GALNTL6: variants seen among roughly 807,000 people sequenced by gnomAD.
The protein encoded by GALNTL6 is polypeptide N-acetylgalactosaminyltransferase-like 6.
In GALNTL6, 46 loss-of-function variants were observed where a neutral mutation model predicts 73.7. The observed-to-expected ratio is 0.62, with a 90% confidence interval of 0.49 to 0.80. The LOEUF (loss-of-function observed/expected upper bound fraction) is 0.80, where lower values mean the gene tolerates loss of function less well. Ranked by LOEUF, GALNTL6 falls within the 30% of genes least tolerant of loss-of-function variation. The pLI is 0.00. For missense variants in GALNTL6, 604 were observed against 755.0 expected, an observed-to-expected ratio of 0.80 and a Z score of 2.34; for synonymous variants, 259 against 263.7, an observed-to-expected ratio of 0.98 and a Z score of 0.17.
chr4:173,009,335 G>A (rs762690494), intron 11 of GALNTL6, 41 bp downstream of exon 11: 50 of 1,126,012 alleles, frequency 4.4e-5, no homozygotes, highest in Non-Finnish European at 6.4e-5. Context: ...GGAACCAGTC[G>A]GGGGCTGATG....
At chr4:172,384,427 A>T (rs917560569) in intron 5 of GALNTL6, among the ~76,000 whole-genome samples, 21 of 151,800 alleles carry the variant, frequency 1.4e-4, no homozygotes, top group African/African-American at 3.6e-4. Context: ...ATTTTTTTTT[A>T]AATTTCTCTA....
chr4:172,578,528 G>A lies in GALNTL6; in HGVS notation c.553+229839G>A, dbSNP rs548302530. On this transcript the variant is annotated intron_variant, in intron 5 of 12. Transcript: ENST00000506823. ...AAGAAGAGGAATGTCTCCAGAAATT[G>A]TCTTAAATTCATCCCCTCAGCACTT... Among the ~76,000 whole-genome samples the A allele has an allele frequency of 1.1e-4, 16 of 152,346 alleles. 1 individual carries two copies. In the South Asian group the frequency reaches 3.3e-3, roughly 32 times the overall value.
chr4:172,771,156 A>G (rs1738739783), intron 5 of GALNTL6, among the ~76,000 whole-genome samples: 1 of 152,228 alleles, frequency 6.6e-6, no homozygotes. Context: ...ACTGTGCACA[A>G]TTTATTTCCA....
At chr4:172,422,630 C>CT (rs1426806492) in intron 5 of GALNTL6, among the ~76,000 whole-genome samples, 2 of 151,892 alleles carry the variant, frequency 1.3e-5, no homozygotes, top group African/African-American at 4.8e-5. Flanking sequence ...GACTCCAAGA[C>CT]TTTTATGTCT....
intron 5 of GALNTL6, among the ~76,000 whole-genome samples, chr4:172,806,704 A>T (rs1259669456): frequency 6.6e-6 from 1 of 152,230 alleles, no homozygotes; most frequent in Non-Finnish European, 1.5e-5. Flanking sequence ...GTGACATTTG[A>T]CATATGAATA....
chr4:171,882,114 T>C (rs928421476), intron 2 of GALNTL6, among the ~76,000 whole-genome samples: 1 of 152,208 alleles, frequency 6.6e-6, no homozygotes, highest in African/African-American at 2.4e-5. Flanking sequence ...TTTGTCTCTT[T>C]TCTGGAAATA....
intron 2 of GALNTL6, among the ~76,000 whole-genome samples, chr4:171,941,564 C>T (rs897376156): frequency 2.6e-5 from 4 of 152,174 alleles, no homozygotes; most frequent in Non-Finnish European, 5.9e-5. Flanking sequence ...GTTGTGTCAT[C>T]ACCACAGTTA....
At chr4:172,854,525 A>G (rs1744022708) in intron 7 of GALNTL6, among the ~76,000 whole-genome samples, 1 of 152,130 alleles carries the variant, frequency 6.6e-6, no homozygotes, top group African/African-American at 2.4e-5. Context: ...ACATTGCTGT[A>G]TGCTCTCCTG....
At chr4:172,764,208 T>G (rs1039263196) in intron 5 of GALNTL6, among the ~76,000 whole-genome samples, 2 of 152,236 alleles carry the variant, frequency 1.3e-5, no homozygotes, top group African/African-American at 4.8e-5. Flanking sequence ...TCCGCCCGCC[T>G]TCGTCTCCCA....
At chr4:172,031,929 T>C (rs12646854) in intron 2 of GALNTL6, among the ~76,000 whole-genome samples, 66,670 of 151,786 alleles carry the variant, frequency 0.44, 15,136 homozygotes, top group Admixed American at 0.54. Flanking sequence ...AATACAGAAC[T>C]AAATCATTTA....
At chr4:172,616,322 CT>C (rs1738728577) in intron 5 of GALNTL6, among the ~76,000 whole-genome samples, 1 of 151,982 alleles carries the variant, frequency 6.6e-6, no homozygotes, top group Admixed American at 6.6e-5. Flanking sequence ...TATAACACCC[CT>C]TTTTTTGTCT....
chr4:172,260,151 C>G (rs997183864), intron 3 of GALNTL6, among the ~76,000 whole-genome samples: 1 of 151,328 alleles, frequency 6.6e-6, no homozygotes, highest in South Asian at 2.1e-4. Flanking sequence ...GGTACTTTGA[C>G]GAGAATTGCA....
intron 5 of GALNTL6, among the ~76,000 whole-genome samples, chr4:172,372,821 G>A (rs189236915): frequency 1.7e-4 from 26 of 152,110 alleles, no homozygotes; most frequent in African/African-American, 5.1e-4. Flanking sequence ...ATCCATAGTC[G>A]GCAAAAGCTG....
intron 5 of GALNTL6, among the ~76,000 whole-genome samples, chr4:172,437,674 A>G (rs1731682399): frequency 6.6e-6 from 1 of 152,100 alleles, no homozygotes; most frequent in Admixed American, 6.6e-5. Flanking sequence ...CTAATGTTGA[A>G]ACATAAGGTC....
At chr4:172,220,364 G>A (rs1286823611) in intron 2 of GALNTL6, among the ~76,000 whole-genome samples, 2 of 151,712 alleles carry the variant, frequency 1.3e-5, no homozygotes, top group East Asian at 1.9e-4. Context: ...GCTTACCACT[G>A]TATCTCTAGT....
intron 2 of GALNTL6, among the ~76,000 whole-genome samples, chr4:172,066,243 C>T (rs1372644145): frequency 1.3e-5 from 2 of 152,088 alleles, no homozygotes; most frequent in Non-Finnish European, 2.9e-5. Context: ...CAGTGGTGTG[C>T]CTATTCATAT....
intron 2 of GALNTL6, among the ~76,000 whole-genome samples, chr4:171,957,307 C>T (rs553658336): frequency 3.5e-4 from 54 of 152,210 alleles, no homozygotes; most frequent in African/African-American, 1.2e-3. Context: ...GGGTTATTCC[C>T]TAAGCAATTG....
chr4:172,890,952 G>A (rs1745996903), intron 8 of GALNTL6, among the ~76,000 whole-genome samples: 1 of 151,992 alleles, frequency 6.6e-6, no homozygotes, highest in African/African-American at 2.4e-5. Flanking sequence ...GACCTTCTTT[G>A]CCTGTTTTTA....
chr4:171,870,604 T>A (rs1736110303), intron 2 of GALNTL6, among the ~76,000 whole-genome samples: 1 of 152,190 alleles, frequency 6.6e-6, no homozygotes, highest in African/African-American at 2.4e-5. Context: ...AATTCATATG[T>A]TGAATTCCTA....
Sources: allele counts gnomAD v4.1 joint callset (sites outside exome capture counted in the v4.1 genomes callset), GRCh38; gene constraint gnomAD v4.1.1; transcripts MANE v1.5; gene names NCBI Gene and HGNC (gene_info 2026-07-23, HGNC 2026-07-21).